CEP83: variants seen among roughly 807,000 people sequenced by gnomAD.
The protein encoded by CEP83 is centrosomal protein of 83 kDa.
CEP83 carries 70 observed loss-of-function variants against 101.9 expected under a neutral mutation model. The ratio of observed to expected loss-of-function variants is 0.69; its 90% CI spans 0.57 to 0.84. The LOEUF is 0.84. CEP83 is among the 40% of genes least tolerant of loss of function. CEP83 has a pLI of 0.00. For missense variants in CEP83, 715 were observed against 787.2 expected, an observed-to-expected ratio of 0.91 and a Z score of 1.10; for synonymous variants, 264 against 267.9, an observed-to-expected ratio of 0.99 and a Z score of 0.14.
At chr12:94,420,484 CA>C (rs2064639513) in intron 2 of CEP83, among the ~76,000 whole-genome samples, 1 of 152,206 alleles carries the variant, frequency 6.6e-6, no homozygotes, top group South Asian at 2.1e-4. Context: ...ACCTGTAGCC[CA>C]TGGGCCACAT....
At chr12:94,279,560 C>T in the CEP83 span, 1 of 1,613,834 alleles carries the variant, frequency 6.2e-7, no homozygotes, top group Non-Finnish European at 8.5e-7. Flanking sequence ...GACTGTGACA[C>T]CATTGGCCAA....
intron 1 of CEP83, among the ~76,000 whole-genome samples, chr12:94,440,069 A>G (rs1284703431): frequency 1.3e-5 from 2 of 152,218 alleles, no homozygotes; most frequent in African/African-American, 4.8e-5. Context: ...ACAAACCCAC[A>G]GCCAACATTA....
At chr12:94,360,672 T>C (rs1412353529) in intron 11 of CEP83, among the ~76,000 whole-genome samples, 3 of 152,120 alleles carry the variant, frequency 2.0e-5, no homozygotes, top group Non-Finnish European at 4.4e-5. Flanking sequence ...AACATGACCA[T>C]ACTACCAAAA....
chr12:94,326,978 A>T (rs2058997671), intron 14 of CEP83, among the ~76,000 whole-genome samples: 1 of 152,204 alleles, frequency 6.6e-6, no homozygotes, highest in South Asian at 2.1e-4. Flanking sequence ...CAGCCCTAGG[A>T]AACTAATATA....
In CEP83 at chr12:94,403,179, A is replaced by G. The variant is rs148769208; in HGVS notation, c.408T>C (p.Asn136=). 0.011 allele frequency: 16,225 copies of G among 1,523,042 alleles called. 130 individuals are homozygous for G. Among genetic ancestry groups the G allele is most frequent in the Non-Finnish European group, 0.012 (13,694 of 1,099,474 alleles). 94.3% of individuals were successfully genotyped at this position (1,523,042 alleles called of 1,614,324 possible). The change falls in exon 5 of 17, where the codon AAT becomes AAC. Residue 136 remains asparagine, a synonymous_variant. Transcript: ENST00000397809. ...AACATAAGTTACTTACTTCATCTAG[A>G]TTCCTAAAACGTTCTCTCATTGGAG... ...LETPMRERFR[N]LDEEVEKYRA... is the part of the protein sequence containing the mutation.
intron 2 of CEP83, among the ~76,000 whole-genome samples, chr12:94,426,927 G>C (rs1050266508): frequency 1.3e-5 from 2 of 152,170 alleles, no homozygotes; most frequent in Non-Finnish European, 2.9e-5. Flanking sequence ...AGGGAACGTG[G>C]CTTGGCCAAC....
intron 8 of CEP83, among the ~76,000 whole-genome samples, chr12:94,374,268 G>T (rs906939847): frequency 6.6e-6 from 1 of 152,046 alleles, no homozygotes; most frequent in Admixed American, 6.6e-5. Flanking sequence ...TATTATACTT[G>T]GTGGCCCCCC....
At chr12:94,437,518 C>G (rs1027779499) in intron 1 of CEP83, among the ~76,000 whole-genome samples, 10 of 152,224 alleles carry the variant, frequency 6.6e-5, no homozygotes, top group African/African-American at 2.4e-4. Context: ...GAAAACCTAA[C>G]AGATTAACAG....
intron 14 of CEP83, among the ~76,000 whole-genome samples, chr12:94,323,833 G>C (rs1462307774): frequency 6.6e-6 from 1 of 152,172 alleles, no homozygotes; most frequent in Non-Finnish European, 1.5e-5. Flanking sequence ...AATTTTTATA[G>C]ATACCATTTA....
At chr12:94,301,337 T>C in the CEP83 span, among the ~76,000 whole-genome samples, 2 of 152,224 alleles carry the variant, frequency 1.3e-5, no homozygotes, top group Non-Finnish European at 2.9e-5. Context: ...TAGAAAAATA[T>C]TCTATGGACA....
At chr12:94,300,668 T>C in the CEP83 span, among the ~76,000 whole-genome samples, 1 of 152,088 alleles carries the variant, frequency 6.6e-6, no homozygotes, top group Non-Finnish European at 1.5e-5. Context: ...CTGGAGAAAA[T>C]TCTTGCCCAT....
intron 2 of CEP83, 99 bp from the exon 3 acceptor site, chr12:94,412,690 T>TTC: frequency 2.7e-6 from 1 of 377,144 alleles, no homozygotes; most frequent in African/African-American, 2.8e-5. Context: ...TTCTTTTTTT[T>TTC]TTCTTTTTTT....
chr12:94,403,735 A>T (rs1347523825), intron 4 of CEP83, among the ~76,000 whole-genome samples: 2 of 152,158 alleles, frequency 1.3e-5, no homozygotes, highest in African/African-American at 4.8e-5. Flanking sequence ...CTCGTATTTT[A>T]ATAAGTAATT....
the CEP83 span, chr12:94,280,121 A>C: frequency 3.2e-6 from 1 of 316,796 alleles, no homozygotes; most frequent in South Asian, 2.6e-5. Flanking sequence ...TGCTAATCAC[A>C]TCCTGTATTA....
chr12:94,379,616 T>G (rs747681572), intron 6 of CEP83, among the ~76,000 whole-genome samples: 15 of 152,110 alleles, frequency 9.9e-5, no homozygotes, highest in Non-Finnish European at 2.1e-4. Context: ...AATTGAAAAA[T>G]CATTACTCCA....
At chr12:94,414,572 T>C (rs2064133327) in intron 2 of CEP83, among the ~76,000 whole-genome samples, 1 of 152,224 alleles carries the variant, frequency 6.6e-6, no homozygotes, top group East Asian at 1.9e-4. Flanking sequence ...CATAATTATA[T>C]TGTAAACTTA....
At chr12:94,334,532 T>C (rs974226888) in intron 12 of CEP83, among the ~76,000 whole-genome samples, 1 of 152,264 alleles carries the variant, frequency 6.6e-6, no homozygotes, top group Non-Finnish European at 1.5e-5. Context: ...AGCCATTTTC[T>C]GAAGACATTT....
the CEP83 span, among the ~76,000 whole-genome samples, chr12:94,291,069 C>G: frequency 2.6e-5 from 4 of 152,318 alleles, no homozygotes; most frequent in East Asian, 7.7e-4. Flanking sequence ...GAGTGCCCAT[C>G]AGGGTGTGGG....
At chr12:94,425,583 C>A (rs1332579681) in intron 2 of CEP83, among the ~76,000 whole-genome samples, 1 of 152,172 alleles carries the variant, frequency 6.6e-6, no homozygotes, top group Admixed American at 6.5e-5. Context: ...CCAAACCCAT[C>A]TGTCGTGTGG....
Sources: gnomAD v4.1 joint callset for allele counts (sites outside exome capture counted in the v4.1 genomes callset) on GRCh38, gnomAD v4.1.1 for gene constraint, MANE v1.5 for transcripts, NCBI Gene and HGNC (gene_info 2026-07-23, HGNC 2026-07-21) for gene names.